Variants in ZCCHC7 observed in about 807,000 individuals in gnomAD.
The protein encoded by ZCCHC7 is zinc finger CCHC domain-containing protein 7.
Under a neutral mutation model 52.0 loss-of-function variants are expected in ZCCHC7, and 35 were observed. The ratio of observed to expected loss-of-function variants is 0.67; its 90% CI spans 0.51 to 0.89. ZCCHC7 has a LOEUF of 0.89. Among genes scored for constraint, ZCCHC7 ranks in the 40% least tolerant of loss-of-function variants. The pLI is 0.00. For missense variants in ZCCHC7, 574 were observed against 649.1 expected, an observed-to-expected ratio of 0.88 and a Z score of 1.26; for synonymous variants, 217 against 221.5, an observed-to-expected ratio of 0.98 and a Z score of 0.18.
At chr9:37,306,280 G>C (rs2133719687) in intron 5 of ZCCHC7, among the ~76,000 whole-genome samples, 1 of 151,748 alleles carries the variant, frequency 6.6e-6, no homozygotes, top group East Asian at 2.0e-4. Flanking sequence ...TGTTGGCCAT[G>C]CTGGTCTCGA....
chr9:37,215,349 TA>T (rs1311154479), intron 2 of ZCCHC7, among the ~76,000 whole-genome samples: 1 of 152,164 alleles, frequency 6.6e-6, no homozygotes, highest in Admixed American at 6.5e-5. Flanking sequence ...GAATGAAGGC[TA>T]ATTACCTCAA....
At chr9:37,320,887 TA>T (rs1378713759) in intron 5 of ZCCHC7, among the ~76,000 whole-genome samples, 1 of 152,162 alleles carries the variant, frequency 6.6e-6, no homozygotes, top group Non-Finnish European at 1.5e-5. Context: ...TGTAGTTAAC[TA>T]AGGTGAATTA....
chr9:37,164,551 GAGAGAAAGAAAAGAAAAGAGAGA>G lies in ZCCHC7; in HGVS notation c.610+37629_610+37651del, dbSNP rs1013959056. ...TCAGAAGGAAGGGAGGGAGGGAAAG[GAGAGAAAGAAAAGAAAAGAGAGA>G]AGAGAAAGAAAAGAAAAGAAGAAAA... On this transcript the variant is annotated intron_variant, in intron 2 of 8. Coordinates refer to ENST00000336755, the MANE Select transcript of ZCCHC7 (RefSeq NM_032226.3). 5.9e-5 allele frequency among the ~76,000 whole-genome samples: 9 copies of G among 152,084 alleles called. No homozygotes were observed. In the South Asian group the frequency reaches 1.0e-3, roughly 18 times the overall value.
chr9:37,206,586 A>G (rs745782184), intron 2 of ZCCHC7, among the ~76,000 whole-genome samples: 3 of 152,132 alleles, frequency 2.0e-5, no homozygotes, highest in Admixed American at 6.5e-5. Flanking sequence ...TCCCGGGCTC[A>G]AGCGATCCAC....
chr9:37,193,653 T>C (rs1328921239), intron 2 of ZCCHC7, among the ~76,000 whole-genome samples: 2 of 152,138 alleles, frequency 1.3e-5, no homozygotes, highest in African/African-American at 4.8e-5. Flanking sequence ...ATAGCCTGTT[T>C]ATGTTGTTGG....
chr9:37,220,196 T>G (rs1824735639), intron 2 of ZCCHC7, among the ~76,000 whole-genome samples: 1 of 152,238 alleles, frequency 6.6e-6, no homozygotes, highest in Non-Finnish European at 1.5e-5. Context: ...TCATGTGTTT[T>G]CAGGGATCTT....
intron 2 of ZCCHC7, among the ~76,000 whole-genome samples, chr9:37,276,331 G>GT (rs1270279279): frequency 3.3e-5 from 5 of 152,002 alleles, no homozygotes; most frequent in Admixed American, 6.6e-5. Context: ...TCTTAATGGT[G>GT]TTTTTTTGTT....
At chr9:37,278,092 A>C (rs895083947) in intron 2 of ZCCHC7, among the ~76,000 whole-genome samples, 3 of 121,826 alleles carry the variant, frequency 2.5e-5, no homozygotes, top group African/African-American at 8.8e-5. Flanking sequence ...TGTGTCACCC[A>C]GGCTGGAGTG....
chr9:37,189,620 T>C (rs1452278200), intron 2 of ZCCHC7, among the ~76,000 whole-genome samples: 1 of 152,202 alleles, frequency 6.6e-6, no homozygotes, highest in Non-Finnish European at 1.5e-5. Context: ...ACTCCTGACC[T>C]CAGGTGATCT....
In ZCCHC7 at chr9:37,325,404, AT is replaced by A. The variant is rs1221243487; in HGVS notation, c.952-2388del. ...AGCTGACTAGTAATTCATTTTAAGTATTTTTTTAATTAGACCAAAGTTAGTT... is the reference window on the plus strand; with the variant it reads ...AGCTGACTAGTAATTCATTTTAAGTATTTTTTAATTAGACCAAAGTTAGTT... On this transcript the variant is annotated intron_variant, in intron 5 of 8. Coordinates refer to ENST00000336755, the MANE Select transcript of ZCCHC7 (RefSeq NM_032226.3). Among the ~76,000 whole-genome samples, 5 of 152,278 alleles carry A rather than the reference AT, an allele frequency of 3.3e-5. No homozygotes were observed. The East Asian group carries it at 9.6e-4, about 29-fold the overall frequency.
intron 2 of ZCCHC7, among the ~76,000 whole-genome samples, chr9:37,194,527 C>T (rs1247061353): frequency 1.3e-5 from 2 of 152,132 alleles, no homozygotes; most frequent in African/African-American, 4.8e-5. Context: ...TTAAGACAGA[C>T]TCTAGTGGCA....
intron 6 of ZCCHC7, among the ~76,000 whole-genome samples, chr9:37,337,953 A>C (rs1175674855): frequency 1.3e-5 from 2 of 152,198 alleles, no homozygotes; most frequent in Admixed American, 1.3e-4. Flanking sequence ...GGAAATATTT[A>C]AATAGGGTGG....
At chr9:37,313,144 T>G (rs992571946) in intron 5 of ZCCHC7, among the ~76,000 whole-genome samples, 6 of 152,240 alleles carry the variant, frequency 3.9e-5, no homozygotes, top group Admixed American at 6.5e-5. Context: ...TAGATATATG[T>G]ACTTTGTTCC....
chr9:37,269,078 C>G (rs1001203878), intron 2 of ZCCHC7, among the ~76,000 whole-genome samples: 4 of 152,160 alleles, frequency 2.6e-5, no homozygotes, highest in African/African-American at 9.7e-5. Flanking sequence ...CATGTGCACC[C>G]TATCTACTAG....
chr9:37,172,524 A>G (rs1392969867), intron 2 of ZCCHC7, among the ~76,000 whole-genome samples: 1 of 152,236 alleles, frequency 6.6e-6, no homozygotes, highest in Non-Finnish European at 1.5e-5. Flanking sequence ...TCTTCTTAAA[A>G]ATTTGAATAT....
intron 2 of ZCCHC7, among the ~76,000 whole-genome samples, chr9:37,167,996 C>G (rs934552148): frequency 6.6e-6 from 1 of 152,168 alleles, no homozygotes; most frequent in Non-Finnish European, 1.5e-5. Flanking sequence ...CTTTGGAGAT[C>G]TGTGGGAGTA....
intron 2 of ZCCHC7, among the ~76,000 whole-genome samples, chr9:37,235,257 A>G (rs1483013657): frequency 6.6e-6 from 1 of 152,002 alleles, no homozygotes; most frequent in Non-Finnish European, 1.5e-5. Context: ...ACCTCTCTCC[A>G]TCCAGTCTTT....
At chr9:37,206,760 G>T (rs1011654184) in intron 2 of ZCCHC7, among the ~76,000 whole-genome samples, 9 of 152,070 alleles carry the variant, frequency 5.9e-5, no homozygotes, top group Admixed American at 3.9e-4. Context: ...CGTAGATGGG[G>T]TCTGGTTTGA....
At chr9:37,122,564 T>C (rs951174505) in intron 1 of ZCCHC7, among the ~76,000 whole-genome samples, 1 of 152,250 alleles carries the variant, frequency 6.6e-6, no homozygotes, top group African/African-American at 2.4e-5. Context: ...GAGGTAAATT[T>C]AGGTGTTAGA....
Sources: gnomAD v4.1 joint callset for allele counts (sites outside exome capture counted in the v4.1 genomes callset) on GRCh38, gnomAD v4.1.1 for gene constraint, MANE v1.5 for transcripts, NCBI Gene and HGNC (gene_info 2026-07-23, HGNC 2026-07-21) for gene names.